Variants in PREP observed in about 807,000 individuals in gnomAD.
PREP encodes dJ355L5.1 (prolyl endopeptidase).
A neutral mutation model predicts 87.6 loss-of-function variants in PREP; 29 were observed. The observed-to-expected ratio is 0.33, with a 90% CI of 0.25 to 0.45. The LOEUF is 0.45. Ranked by LOEUF, PREP falls within the 20% of genes least tolerant of loss-of-function variation. PREP has a pLI of 1.00. For missense variants in PREP, 695 were observed against 886.5 expected (o/e 0.78, Z 2.74); for synonymous variants, 337 against 328.6 (o/e 1.03, Z -0.28).
intron 7 of PREP, among the ~76,000 whole-genome samples, chr6:105,344,527 G>GT (rs1164389811): frequency 6.6e-6 from 1 of 150,762 alleles, no homozygotes; most frequent in Non-Finnish European, 1.5e-5. Context: ...CATGTCCTTT[G>GT]TAGGGACATG....
intron 10 of PREP, among the ~76,000 whole-genome samples, chr6:105,312,115 A>G (rs12206791): frequency 0.062 from 9,434 of 152,348 alleles, 380 homozygotes; most frequent in South Asian, 0.14. Context: ...TAGGTAGCAC[A>G]TATATAATGA....
chr6:105,381,594 A>G (rs1772838751), intron 2 of PREP, among the ~76,000 whole-genome samples: 1 of 152,190 alleles, frequency 6.6e-6, no homozygotes. Context: ...GAAATATGAA[A>G]GCCCTGATGC....
chr6:105,391,255 G>A (rs537582078), intron 2 of PREP, among the ~76,000 whole-genome samples: 4 of 152,030 alleles, frequency 2.6e-5, no homozygotes, highest in South Asian at 2.1e-4. Flanking sequence ...CGTGGTGGGC[G>A]CCTGTAATTC....
Position 105,373,400 on chromosome 6 carries a change from G to A in PREP, c.564C>T (p.Asn188=), listed in dbSNP as rs376951230. The part of the protein sequence containing the change: ...WTHDGKGMFY[N]SYPQQDGKSD... ...TTTTTCCATCCTGTTGAGGGTATGA[G>A]TTGTAGAACATTCCCTTCCCATCAT... Residue 188 remains asparagine, a synonymous_variant, in exon 5 of 15, where the codon AAC becomes AAT. Coordinates refer to ENST00000652536, the MANE Select transcript of PREP (RefSeq NM_002726.5). The A allele has an allele frequency of 3.7e-6, 6 of 1,614,054 alleles. No individual in the cohort carries two copies. In the African/African-American group the frequency reaches 4.0e-5, roughly 11 times the overall value.
rs1009662219 is a variant in PREP at position 105,274,418 on chromosome 6, G to A, written c.*3726C>T. On this transcript the variant is annotated 3_prime_UTR_variant, in exon 15 of 15. Coordinates refer to ENST00000652536, the MANE Select transcript of PREP (RefSeq NM_002726.5). ...CTAATTCCATCACTTTGGGATTTACGATTTCAACATATACATTTCGGGGAG... is the reference window on the plus strand; with the variant it reads ...CTAATTCCATCACTTTGGGATTTACAATTTCAACATATACATTTCGGGGAG... Among the ~76,000 whole-genome samples, 5 of 152,084 alleles carry A rather than the reference G, an allele frequency of 3.3e-5. No individual in the cohort carries two copies. Among genetic ancestry groups the A allele is most frequent in the South Asian group, 2.1e-4 (1 of 4,818 alleles).
At position 105,335,484 on chromosome 6, in the gene PREP, T is replaced by C. The variant is rs561486853; in HGVS notation, c.824-1979A>G. Among the ~76,000 whole-genome samples the C allele has an allele frequency of 2.8e-4, 42 of 152,344 alleles. 1 individual carries two copies. Among genetic ancestry groups the C allele is most frequent in the Middle Eastern group, 6.8e-3 (2 of 294 alleles). ...TCCACCATAGAGTTCTGTGGTCATA[T>C]ATGTTTGGATTAAAACCCCAGTTCT... On this transcript the variant is annotated intron_variant, in intron 7 of 14. Coordinates refer to ENST00000652536, the MANE Select transcript of PREP (RefSeq NM_002726.5).
At chr6:105,317,480 A>G (rs948431020) in intron 10 of PREP, among the ~76,000 whole-genome samples, 1 of 152,254 alleles carries the variant, frequency 6.6e-6, no homozygotes, top group African/African-American at 2.4e-5. Context: ...ACTCTAATGT[A>G]CGTGCAATTG....
At chr6:105,359,157 C>T (rs1035684908) in intron 6 of PREP, among the ~76,000 whole-genome samples, 2 of 152,170 alleles carry the variant, frequency 1.3e-5, no homozygotes, top group Non-Finnish European at 2.9e-5. Context: ...AAGAGTCTAC[C>T]AAGTGCTGGC....
chr6:105,345,526 T>C (rs1300457838), intron 7 of PREP, among the ~76,000 whole-genome samples: 1 of 152,228 alleles, frequency 6.6e-6, no homozygotes, highest in Admixed American at 6.5e-5. Flanking sequence ...TAACTACATG[T>C]CATAGAAAAT....
At chr6:105,290,423 A>T (rs997991655) in intron 10 of PREP, among the ~76,000 whole-genome samples, 3 of 151,958 alleles carry the variant, frequency 2.0e-5, no homozygotes, top group African/African-American at 7.2e-5. Flanking sequence ...TCGAAAAATC[A>T]TCTGTTCAAA....
chr6:105,353,007 T>C lies in PREP; in HGVS notation c.788A>G (p.Tyr263Cys). Residue 263 changes from tyrosine to cysteine, a missense_variant, in exon 7 of 15, where the codon TAC becomes TGC. By Grantham distance (194) the Tyr-to-Cys change is radical. This residue lies in a region of PREP where 517 missense variants were observed against 620.3 expected (regional missense o/e 0.83). Transcript: ENST00000652536. Reference protein sequence around the residue: ...EGCDPVNRLWYCDLQQESSGI... With the variant: ...EGCDPVNRLWCCDLQQESSGI... The stretch of plus-strand genomic sequence containing the variant: ...ACTGGATTCCTGCTGTAGGTCACAG[T>C]ACCAGAGTCGGTTTACTGGATCACA... The C allele has an allele frequency of 6.2e-7, 1 of 1,614,070 alleles. No individual in the cohort carries two copies. The highest frequency in any genetic ancestry group is 8.5e-7 in the Non-Finnish European group (1 of 1,179,958).
chr6:105,373,798 T>A (rs1772619489), intron 4 of PREP, among the ~76,000 whole-genome samples: 1 of 152,238 alleles, frequency 6.6e-6, no homozygotes, highest in Admixed American at 6.5e-5. Context: ...AGGTCTTAAT[T>A]TGTCTATAAA....
intron 10 of PREP, among the ~76,000 whole-genome samples, chr6:105,311,589 A>T (rs146834496): frequency 6.6e-6 from 1 of 152,290 alleles, no homozygotes; most frequent in African/African-American, 2.4e-5. Context: ...TCTTCTCCCA[A>T]CTTGCAATGC....
At chr6:105,281,712 C>T (rs1359478498) in intron 14 of PREP, 34 bp downstream of exon 14, 32 of 1,598,786 alleles carry the variant, frequency 2.0e-5, no homozygotes, top group Non-Finnish European at 2.7e-5. Context: ...TATATCAAAC[C>T]ACTAACAACA....
At chr6:105,341,086 A>C (rs7759952) in intron 7 of PREP, among the ~76,000 whole-genome samples, 33,546 of 152,074 alleles carry the variant, frequency 0.22, 5,955 homozygotes, top group African/African-American at 0.49. Flanking sequence ...ACAGAATATA[A>C]ATTCTTCTCA....
At chr6:105,323,497 C>T (rs1239984913) in intron 10 of PREP, among the ~76,000 whole-genome samples, 168 bp downstream of exon 10, 1 of 152,124 alleles carries the variant, frequency 6.6e-6, no homozygotes, top group East Asian at 1.9e-4. Flanking sequence ...TATGCCAGCT[C>T]ACTGCTGAAT....
intron 6 of PREP, among the ~76,000 whole-genome samples, chr6:105,367,623 G>A (rs1772421305): frequency 6.9e-6 from 1 of 145,036 alleles, no homozygotes; most frequent in Admixed American, 7.0e-5. Flanking sequence ...AGTGAGCCGA[G>A]ATCCCGCCAC....
At chr6:105,376,846 T>C (rs1772699857) in intron 3 of PREP, among the ~76,000 whole-genome samples, 1 of 152,212 alleles carries the variant, frequency 6.6e-6, no homozygotes, top group Non-Finnish European at 1.5e-5. Context: ...GTAGGCAGAC[T>C]GTACGTTGCC....
intron 10 of PREP, among the ~76,000 whole-genome samples, chr6:105,314,968 A>G (rs183298500): frequency 1.3e-5 from 2 of 152,304 alleles, no homozygotes; most frequent in East Asian, 3.9e-4. Flanking sequence ...CTCTTTGTAC[A>G]GCTCCATCAG....
Sources: allele counts gnomAD v4.1 joint callset (sites outside exome capture counted in the v4.1 genomes callset), GRCh38; gene constraint gnomAD v4.1.1; regional missense constraint gnomAD v4.1.1; transcripts MANE v1.5; gene names NCBI Gene and HGNC (gene_info 2026-07-23, HGNC 2026-07-21).